Variants in TRMT11 observed in about 807,000 individuals in gnomAD.
TRMT11 encodes the protein tRNA (guanine(10)-N(2))-methyltransferase TRMT11.
A neutral mutation model predicts 62.8 loss-of-function variants in TRMT11; 53 were observed. The ratio of observed to expected loss-of-function variants is 0.84; its 90% CI spans 0.68 to 1.06. The LOEUF is 1.06. Among genes scored for constraint, TRMT11 ranks in the 50% least tolerant of loss-of-function variants. TRMT11 has a pLI of 0.00. For synonymous variants in TRMT11, 188 were observed against 190.3 expected, an observed-to-expected ratio of 0.99 and a Z score of 0.10; for missense variants, 556 against 553.4, an observed-to-expected ratio of 1.00 and a Z score of -0.05.
Position 126,093,585 on chromosome 6 carries a change from GTATATATATATATATATATATA to G in TRMT11, c.*1438-19255_*1438-19234del, listed in dbSNP as rs56176946. ...CTAGTGTAGGTAACAGGATATGTATGTATATATATATATATATATATATATATATATATATATATATATATAT... is the reference window on the plus strand; with the variant it reads ...CTAGTGTAGGTAACAGGATATGTATGTATATATATATATATATATATATAT... On this transcript the variant is annotated intron_variant and NMD_transcript_variant, in intron 17 of 22. Transcript: ENST00000648977. Among the ~76,000 whole-genome samples, 210 of 46,684 alleles carry G rather than the reference GTATATATATATATATATATATA, an allele frequency of 4.5e-3. 15 individuals carry two copies. The highest frequency in any genetic ancestry group is 0.015 in the African/African-American group (161 of 10,656). The allele number at this position is 46,684 out of a possible 152,430, so 30.6% of individuals were successfully genotyped here.
At chr6:126,150,456 C>G (rs1778025990) in intron 21 of TRMT11, among the ~76,000 whole-genome samples, 1 of 152,080 alleles carries the variant, frequency 6.6e-6, no homozygotes, top group Non-Finnish European at 1.5e-5. Flanking sequence ...TTGTATAAAC[C>G]TTATCACAGT....
exon 1 of TRMT11, chr6:126,177,286 C>A (rs1452960078): frequency 3.3e-5 from 5 of 152,014 alleles, no homozygotes; most frequent in African/African-American, 1.2e-4. Flanking sequence ...GGATGCAAAA[C>A]TATTATGGCA....
chr6:125,998,943 T>C (rs1792043386), intron 6 of TRMT11, among the ~76,000 whole-genome samples: 1 of 151,830 alleles, frequency 6.6e-6, no homozygotes, highest in African/African-American at 2.4e-5. Context: ...CCAGAACATC[T>C]GGACTGTTTT....
In TRMT11 at chr6:126,038,907, T is replaced by C. The variant is rs1775718690; in HGVS notation, c.*71T>C. Reference sequence around the variant, plus strand: ...AAAGACATCTGGATGTGAACTTTCATGTATGATCCAGAAAATAGGTACGGT... The same window carrying C: ...AAAGACATCTGGATGTGAACTTTCACGTATGATCCAGAAAATAGGTACGGT... On this transcript the variant is annotated 3_prime_UTR_variant, in exon 13 of 13. Coordinates refer to ENST00000334379, the MANE Select transcript of TRMT11 (RefSeq NM_001031712.3). The C allele has an allele frequency of 7.7e-7, 1 of 1,299,576 alleles. No individual in the cohort carries two copies. The highest frequency in any genetic ancestry group is 2.4e-5 in the East Asian group (1 of 40,908). The allele number at this position is 1,299,576 out of a possible 1,614,324, so 80.5% of individuals were successfully genotyped here. A position where few individuals can be genotyped will look rare whatever the true frequency, so the allele number is the denominator to read the frequency against.
At chr6:126,104,326 C>G (rs1425667675) in intron 17 of TRMT11, among the ~76,000 whole-genome samples, 1 of 152,148 alleles carries the variant, frequency 6.6e-6, no homozygotes, top group African/African-American at 2.4e-5. Context: ...ACTGGGTGTA[C>G]TAGGACTGGG....
intron 11 of TRMT11, among the ~76,000 whole-genome samples, chr6:126,019,043 G>C (rs1307697745): frequency 1.3e-5 from 2 of 152,006 alleles, no homozygotes; most frequent in African/African-American, 4.8e-5. Flanking sequence ...ACCATGCCTG[G>C]CTAATTTTGT....
intron 21 of TRMT11, among the ~76,000 whole-genome samples, chr6:126,141,020 A>G (rs566123051): frequency 6.6e-6 from 1 of 152,128 alleles, no homozygotes; most frequent in South Asian, 2.1e-4. Flanking sequence ...GTACATAATG[A>G]CTCTACTGGT....
chr6:125,990,805 A>G (rs563141870), intron 1 of TRMT11, among the ~76,000 whole-genome samples: 5 of 152,024 alleles, frequency 3.3e-5, no homozygotes, highest in Non-Finnish European at 7.4e-5. Context: ...TTTTGCTTTT[A>G]CCTGTTTAAG....
the TRMT11 span, among the ~76,000 whole-genome samples, chr6:126,268,755 A>G: frequency 2.0e-5 from 3 of 152,330 alleles, no homozygotes; most frequent in South Asian, 4.1e-4. Context: ...AATTACAGCT[A>G]TTAATTTTTA....
At chr6:126,101,924 C>T (rs1426918784) in intron 17 of TRMT11, among the ~76,000 whole-genome samples, 1 of 152,200 alleles carries the variant, frequency 6.6e-6, no homozygotes, top group Non-Finnish European at 1.5e-5. Flanking sequence ...TTCCAGTAAA[C>T]TCCTGGGACT....
At chr6:126,060,576 C>T (rs1000845489) in intron 17 of TRMT11, among the ~76,000 whole-genome samples, 19 of 152,344 alleles carry the variant, frequency 1.2e-4, no homozygotes, top group East Asian at 3.9e-4. Flanking sequence ...TGTGACACAA[C>T]GCAGATCAAA....
chr6:126,197,821 C>T (rs1778684308), intron 1 of TRMT11, among the ~76,000 whole-genome samples: 1 of 152,138 alleles, frequency 6.6e-6, no homozygotes, highest in Non-Finnish European at 1.5e-5. Context: ...AAAGCTATCA[C>T]AATCCTGATC....
intron 7 of TRMT11, among the ~76,000 whole-genome samples, chr6:126,004,418 G>A (rs915748679): frequency 1.3e-5 from 2 of 152,016 alleles, no homozygotes; most frequent in Non-Finnish European, 2.9e-5. Context: ...ATATATTTTC[G>A]TAATTTGTGT....
At chr6:126,132,206 A>G (rs894017969) in intron 21 of TRMT11, among the ~76,000 whole-genome samples, 38 of 152,206 alleles carry the variant, frequency 2.5e-4, no homozygotes, top group African/African-American at 8.7e-4. Context: ...AGTTTAAAAG[A>G]CAGCATTATC....
chr6:126,051,644 G>A (rs1776221445), intron 16 of TRMT11, among the ~76,000 whole-genome samples: 1 of 152,148 alleles, frequency 6.6e-6, no homozygotes, highest in Non-Finnish European at 1.5e-5. Flanking sequence ...ATATTTAGAA[G>A]GTGAGTGAGC....
intron 16 of TRMT11, among the ~76,000 whole-genome samples, chr6:126,046,105 A>G (rs1329041493): frequency 6.6e-6 from 1 of 152,170 alleles, no homozygotes; most frequent in African/African-American, 2.4e-5. Flanking sequence ...AATTCTAGAT[A>G]AATTCTTGGA....
the TRMT11 span, among the ~76,000 whole-genome samples, chr6:126,241,508 C>A: frequency 1.3e-5 from 2 of 152,298 alleles, no homozygotes; most frequent in Admixed American, 1.3e-4. Context: ...GAATTTTAGA[C>A]CAATATCCAT....
In TRMT11 at chr6:126,134,450, C is replaced by T. The variant is rs1329680728; in HGVS notation, c.*1823+18595C>T. 2.0e-5 allele frequency among the ~76,000 whole-genome samples: 3 copies of T among 151,608 alleles called. No individual in the cohort carries two copies. The East Asian group carries it at 5.8e-4, about 29-fold the overall frequency. Reference sequence around the variant, plus strand: ...AACGTCAATTTAGCAAGAGGACATACCATAGTAAATACATATGCAACCAAC... The same window carrying T: ...AACGTCAATTTAGCAAGAGGACATATCATAGTAAATACATATGCAACCAAC... On this transcript the variant is annotated intron_variant and NMD_transcript_variant, in intron 21 of 22. Coordinates refer to the TRMT11 transcript ENST00000648977.
chr6:126,160,844 G>A (rs893160331), intron 21 of TRMT11, among the ~76,000 whole-genome samples: 1 of 152,018 alleles, frequency 6.6e-6, no homozygotes, highest in African/African-American at 2.4e-5. Flanking sequence ...CTTCTTTTAG[G>A]TGAAGCTAAC....
Sources: allele counts gnomAD v4.1 joint callset (sites outside exome capture counted in the v4.1 genomes callset), GRCh38; gene constraint gnomAD v4.1.1; transcripts MANE v1.5; gene names NCBI Gene and HGNC (gene_info 2026-07-23, HGNC 2026-07-21).